Variants in FAM184B observed in about 807,000 individuals in gnomAD.
FAM184B encodes protein FAM184B.
FAM184B carries 111 observed loss-of-function variants against 135.9 expected under a neutral mutation model. The observed-to-expected ratio is 0.82, with a 90% CI of 0.70 to 0.96. FAM184B has a LOEUF of 0.96. Among genes scored for constraint, FAM184B ranks in the 40% least tolerant of loss-of-function variants. The probability of loss-of-function intolerance (pLI) is 0.00; values close to 1 mark genes in which losing one functional copy is unlikely to be tolerated. For missense variants in FAM184B, 1,375 were observed against 1,323.9 expected (o/e 1.04, Z -0.60); for synonymous variants, 552 against 524.8 (o/e 1.05, Z -0.71).
intron 10 of FAM184B, among the ~76,000 whole-genome samples, chr4:17,657,022 T>A (rs2109522): frequency 0.52 from 79,302 of 151,768 alleles, 23,311 homozygotes; most frequent in East Asian, 0.88. Flanking sequence ...CAATATATAT[T>A]TTTAATATAT....
At chr4:17,773,208 C>T (rs1175931642) in intron 1 of FAM184B, among the ~76,000 whole-genome samples, 1 of 152,146 alleles carries the variant, frequency 6.6e-6, no homozygotes, top group East Asian at 1.9e-4. Flanking sequence ...TTCTTCCCTC[C>T]CAGCCATGCA....
chr4:17,635,165 G>A (rs1351597009), intron 15 of FAM184B, 52 bp from the exon 16 acceptor site: 4 of 1,417,040 alleles, frequency 2.8e-6, no homozygotes, highest in Non-Finnish European at 1.9e-6. Context: ...ACAGCACTGG[G>A]TTTGACTTGA....
intron 7 of FAM184B, among the ~76,000 whole-genome samples, chr4:17,683,680 T>C (rs1461371896): frequency 6.6e-6 from 1 of 152,160 alleles, no homozygotes; most frequent in Non-Finnish European, 1.5e-5. Context: ...GGTTTTTCTG[T>C]ACAAGGGAGA....
intron 1 of FAM184B, among the ~76,000 whole-genome samples, chr4:17,717,335 T>G (rs1277907015): frequency 6.6e-6 from 1 of 152,184 alleles, no homozygotes; most frequent in Admixed American, 6.5e-5. Flanking sequence ...AGAGACACAA[T>G]CTCCTCCAAC....
In FAM184B at chr4:17,695,473, G is replaced by A. The variant is rs1174358758; in HGVS notation, c.1378-2061C>T. Among the ~76,000 whole-genome samples, 3 of 152,118 alleles carry A rather than the reference G, an allele frequency of 2.0e-5. No homozygotes were observed. In the East Asian group the frequency reaches 5.8e-4, roughly 29 times the overall value. On this transcript the variant is annotated intron_variant, in intron 5 of 17. Coordinates refer to ENST00000265018, the MANE Select transcript of FAM184B (RefSeq NM_015688.2). ...GAGCCACCATGCCCAGCTTCACTAC[G>A]GCTTCCTTCTTGAGTACAGACTGAT...
Position 17,652,876 on chromosome 4 carries a change from C to A in FAM184B, c.2145G>T (p.Leu715=), listed in dbSNP as rs189801472. ...CCTGCATCCTCTCACGCTCCTCCTG[C>A]AGCTCTTGCCTGGCCTTTTCCTCCA... is the stretch of plus-strand genomic sequence containing the variant. ...QALEEKARQE[L]QEERERMQAQ... Residue 715 remains leucine, a synonymous_variant, in exon 11 of 18, where the codon CTG becomes CTT. Coordinates refer to ENST00000265018, the MANE Select transcript of FAM184B (RefSeq NM_015688.2). The A allele has an allele frequency of 7.7e-5, 120 of 1,551,766 alleles. No homozygotes were observed. The African/African-American group carries it at 1.4e-3, about 19-fold the overall frequency.
At chr4:17,681,715 G>A (rs1418548357) in intron 7 of FAM184B, among the ~76,000 whole-genome samples, 1 of 152,156 alleles carries the variant, frequency 6.6e-6, no homozygotes, top group Non-Finnish European at 1.5e-5. Flanking sequence ...GGCCTGGAGA[G>A]CTTTGGAGTG....
At chr4:17,714,444 G>A (rs1017059519) in intron 1 of FAM184B, among the ~76,000 whole-genome samples, 4 of 152,242 alleles carry the variant, frequency 2.6e-5, no homozygotes, top group African/African-American at 9.6e-5. Context: ...AAGATGGAAG[G>A]CATCCGAGCC....
At chr4:17,777,132 TA>T (rs1718944358) in intron 1 of FAM184B, among the ~76,000 whole-genome samples, 1 of 152,124 alleles carries the variant, frequency 6.6e-6, no homozygotes. Context: ...GGTGAATGGA[TA>T]AATAAAACAC....
In FAM184B at chr4:17,631,013, C is replaced by G. The variant is rs1577236659; in HGVS notation, c.*1519G>C. ...CCAAAGACTGAAAAAATATTTTGCC[C>G]CCTAAAAGTTGTTATTGAGTCTTGT... On this transcript the variant is annotated 3_prime_UTR_variant, in exon 18 of 18. Coordinates refer to ENST00000265018, the MANE Select transcript of FAM184B (RefSeq NM_015688.2). The G allele has an allele frequency of 6.6e-6, 1 of 152,156 alleles. No homozygotes were observed. Among genetic ancestry groups the G allele is most frequent in the Admixed American group, 6.5e-5 (1 of 15,274 alleles). The allele number at this position is 152,156 out of a possible 1,614,324, so 9.4% of individuals were successfully genotyped here.
At chr4:17,636,161 A>G (rs1181596780) in intron 15 of FAM184B, among the ~76,000 whole-genome samples, 2 of 152,150 alleles carry the variant, frequency 1.3e-5, no homozygotes, top group Non-Finnish European at 2.9e-5. Context: ...ACTGGAGTGC[A>G]GTGGCGCTAT....
At chr4:17,633,974 A>C in intron 16 of FAM184B, 86 bp from the exon 17 acceptor site, 5 of 1,085,258 alleles carry the variant, frequency 4.6e-6, no homozygotes, top group Non-Finnish European at 6.1e-6. Context: ...TGCTCACCCA[A>C]TCAAAATTGT....
chr4:17,726,939 C>T (rs961000136), intron 1 of FAM184B, among the ~76,000 whole-genome samples: 2 of 152,150 alleles, frequency 1.3e-5, no homozygotes, highest in Non-Finnish European at 2.9e-5. Context: ...TTCTGATTGG[C>T]TAATTTCAGG....
chr4:17,746,473 G>T (rs1718167222), intron 1 of FAM184B, among the ~76,000 whole-genome samples: 1 of 151,934 alleles, frequency 6.6e-6, no homozygotes, highest in South Asian at 2.1e-4. Context: ...GCTCATGCCT[G>T]TGATCCCAGC....
chr4:17,645,553 T>C (rs1715443269), intron 12 of FAM184B, among the ~76,000 whole-genome samples: 2 of 152,108 alleles, frequency 1.3e-5, no homozygotes, highest in African/African-American at 4.8e-5. Flanking sequence ...GATCCCTTCC[T>C]TACACCTTAT....
At chr4:17,709,914 G>A (rs1717218352) in intron 1 of FAM184B, among the ~76,000 whole-genome samples, 1 of 152,228 alleles carries the variant, frequency 6.6e-6, no homozygotes, top group African/African-American at 2.4e-5. Context: ...GAATTCCGAA[G>A]GGGACCTCTG....
At chr4:17,764,968 AG>A (rs1718626907) in intron 1 of FAM184B, among the ~76,000 whole-genome samples, 1 of 152,184 alleles carries the variant, frequency 6.6e-6, no homozygotes, top group Admixed American at 6.5e-5. Flanking sequence ...CAGGAGGCTA[AG>A]GTGGGAGGAT....
intron 1 of FAM184B, among the ~76,000 whole-genome samples, chr4:17,729,578 T>A (rs1031486754): frequency 2.6e-5 from 4 of 152,220 alleles, no homozygotes; most frequent in African/African-American, 7.2e-5. Context: ...GGCAGCAGCA[T>A]TTGCGGTTCA....
intron 2 of FAM184B, among the ~76,000 whole-genome samples, 192 bp from the exon 3 acceptor site, chr4:17,707,976 G>C (rs570732934): frequency 2.0e-4 from 30 of 152,090 alleles, no homozygotes; most frequent in African/African-American, 7.2e-4. Flanking sequence ...AGGATTAAAT[G>C]AGATAAAGTG....
Sources: gnomAD v4.1 joint callset for allele counts (sites outside exome capture counted in the v4.1 genomes callset) on GRCh38, gnomAD v4.1.1 for gene constraint, MANE v1.5 for transcripts, NCBI Gene and HGNC (gene_info 2026-07-23, HGNC 2026-07-21) for gene names.